The following POU6F2 variants were observed in gnomAD, a reference collection of about 807,000 sequenced individuals.
The protein encoded by POU6F2 is POU domain, class 6, transcription factor 2.
Under a neutral mutation model 71.3 loss-of-function variants are expected in POU6F2, and 31 were observed. That is an observed-to-expected ratio of 0.43 (90% confidence interval 0.33 to 0.59). The LOEUF (loss-of-function observed/expected upper bound fraction) is 0.59. POU6F2 is among the 20% of genes least tolerant of loss of function. The pLI is 0.04. For missense variants in POU6F2, 783 were observed against 856.8 expected (o/e 0.91, Z 1.07); for synonymous variants, 347 against 355.7 (o/e 0.98, Z 0.27).
chr7:39,422,545 A>C lies in POU6F2; in HGVS notation c.1114-10532A>C, dbSNP rs146324879. On this transcript the variant is annotated intron_variant, in intron 6 of 9. Coordinates refer to ENST00000518318, the MANE Select transcript of POU6F2 (RefSeq NM_001370959.1). ...TATCCACAGATGGGAAGTTTTTGGG[A>C]GCGTGATGGAGCTGTGCCATTGTTT... Among the ~76,000 whole-genome samples the C allele has an allele frequency of 9.8e-5, 15 of 152,296 alleles. No homozygotes were observed. The East Asian group carries it at 1.5e-3, about 16-fold the overall frequency.
intron 3 of POU6F2, 40 bp from the exon 4 acceptor site, chr7:39,207,352 T>G: frequency 6.3e-7 from 1 of 1,587,192 alleles, no homozygotes; most frequent in African/African-American, 1.3e-5. Context: ...ATGCCTTGGT[T>G]CCACAGGAAA....
At chr7:39,323,589 C>T (rs1785443735) in intron 4 of POU6F2, among the ~76,000 whole-genome samples, 1 of 151,922 alleles carries the variant, frequency 6.6e-6, no homozygotes, top group African/African-American at 2.4e-5. Flanking sequence ...AGTCAAAGTG[C>T]CCCCCCTCAT....
At chr7:39,316,263 T>G (rs1181817498) in intron 4 of POU6F2, among the ~76,000 whole-genome samples, 1 of 152,198 alleles carries the variant, frequency 6.6e-6, no homozygotes, top group Non-Finnish European at 1.5e-5. Context: ...GATTTGAATT[T>G]ATTTTGCTTC....
chr7:39,079,463 C>A (rs1791071530), intron 1 of POU6F2, among the ~76,000 whole-genome samples: 1 of 152,142 alleles, frequency 6.6e-6, no homozygotes, highest in East Asian at 1.9e-4. Flanking sequence ...AGGCTTAAGC[C>A]ACCGTGCCCG....
chr7:39,277,301 A>G (rs1322260041), intron 4 of POU6F2, among the ~76,000 whole-genome samples: 1 of 152,150 alleles, frequency 6.6e-6, no homozygotes, highest in Non-Finnish European at 1.5e-5. Flanking sequence ...GATTTGCTAC[A>G]TGGGTATATT....
At chr7:39,267,212 GAA>G (rs963564586) in intron 4 of POU6F2, among the ~76,000 whole-genome samples, 1 of 152,116 alleles carries the variant, frequency 6.6e-6, no homozygotes, top group Non-Finnish European at 1.5e-5. Flanking sequence ...TGTGGAATAG[GAA>G]AGAGAACACA....
intron 2 of POU6F2, among the ~76,000 whole-genome samples, chr7:39,145,036 A>G (rs1354858948): frequency 6.6e-6 from 1 of 152,228 alleles, no homozygotes; most frequent in Non-Finnish European, 1.5e-5. Context: ...ACATTTGGTC[A>G]CTTAGAGTGG....
intron 2 of POU6F2, among the ~76,000 whole-genome samples, chr7:39,114,395 G>A (rs1024701158): frequency 5.9e-5 from 9 of 152,116 alleles, no homozygotes; most frequent in Non-Finnish European, 1.3e-4. Context: ...CAATGCATAG[G>A]TGAGTCTTAA....
intron 1 of POU6F2, among the ~76,000 whole-genome samples, chr7:39,078,523 C>T (rs565986963): frequency 6.6e-6 from 1 of 152,232 alleles, no homozygotes; most frequent in Non-Finnish European, 1.5e-5. Context: ...CAGCAAAATG[C>T]AGGGTGAAGG....
At chr7:39,019,397 T>G (rs1451677319) in intron 1 of POU6F2, among the ~76,000 whole-genome samples, 1 of 152,160 alleles carries the variant, frequency 6.6e-6, no homozygotes, top group Non-Finnish European at 1.5e-5. Flanking sequence ...GTTCCGAAAT[T>G]TTATAAGAAT....
intron 2 of POU6F2, among the ~76,000 whole-genome samples, chr7:39,198,243 A>G (rs79791283): frequency 6.6e-5 from 10 of 152,250 alleles, no homozygotes; most frequent in Non-Finnish European, 1.0e-4. Flanking sequence ...AAAGTCTTCT[A>G]TAGCACAGAC....
intron 7 of POU6F2, among the ~76,000 whole-genome samples, chr7:39,438,490 A>G (rs769455731): frequency 1.1e-4 from 16 of 152,196 alleles, no homozygotes; most frequent in Non-Finnish European, 1.9e-4. Context: ...TGAAATGCAA[A>G]TCAAAACCAC....
chr7:39,234,531 G>C (rs948103590), intron 4 of POU6F2, among the ~76,000 whole-genome samples: 1 of 152,044 alleles, frequency 6.6e-6, no homozygotes, highest in African/African-American at 2.4e-5. Flanking sequence ...CCATGTTGCT[G>C]TGTGTTTATC....
chr7:39,050,057 G>A (rs1276158288), intron 1 of POU6F2, among the ~76,000 whole-genome samples: 1 of 151,856 alleles, frequency 6.6e-6, no homozygotes, highest in Non-Finnish European at 1.5e-5. Flanking sequence ...TTGTTCTGGA[G>A]GTTATTACCA....
rs963225467 is a variant in POU6F2 at position 39,465,142 on chromosome 7, G to A, written c.*456G>A. 1 of 156,524 alleles carries A rather than the reference G, an allele frequency of 6.4e-6. No homozygotes were observed. The highest frequency in any genetic ancestry group is 2.4e-5 in the African/African-American group (1 of 41,436). 9.7% of individuals were successfully genotyped at this position (156,524 alleles called of 1,614,324 possible). Reference sequence around the variant, plus strand: ...TTTGATCTGTTCAAAGCGAATACAAGCCTGCCACCTGGAGGAAGGACTGCA... The same window carrying A: ...TTTGATCTGTTCAAAGCGAATACAAACCTGCCACCTGGAGGAAGGACTGCA... On this transcript the variant is annotated 3_prime_UTR_variant, in exon 10 of 10. Transcript: ENST00000518318.
chr7:39,275,751 A>G (rs950451811), intron 4 of POU6F2, among the ~76,000 whole-genome samples: 1 of 152,046 alleles, frequency 6.6e-6, no homozygotes, highest in Non-Finnish European at 1.5e-5. Context: ...AACGCCGCAT[A>G]TCTACAACTA....
intron 2 of POU6F2, among the ~76,000 whole-genome samples, chr7:39,104,547 A>G (rs530288495): frequency 6.6e-6 from 1 of 152,180 alleles, no homozygotes; most frequent in East Asian, 1.9e-4. Flanking sequence ...GCATGGAGAG[A>G]CAGGGGAGGG....
At chr7:39,436,976 C>G (rs189177170) in intron 7 of POU6F2, among the ~76,000 whole-genome samples, 1 of 152,346 alleles carries the variant, frequency 6.6e-6, no homozygotes, top group Non-Finnish European at 1.5e-5. Context: ...ATGAAGCCGA[C>G]TTGATCGTGG....
At chr7:39,062,134 A>G (rs1270877480) in intron 1 of POU6F2, among the ~76,000 whole-genome samples, 1 of 152,188 alleles carries the variant, frequency 6.6e-6, no homozygotes, top group Non-Finnish European at 1.5e-5. Context: ...TGAAGCCATT[A>G]TTAGGATTTA....
Sources: allele counts gnomAD v4.1 joint callset (sites outside exome capture counted in the v4.1 genomes callset), GRCh38; gene constraint gnomAD v4.1.1; transcripts MANE v1.5; gene names NCBI Gene and HGNC (gene_info 2026-07-23, HGNC 2026-07-21).